Variants in RBFOX1 observed in about 807,000 individuals in gnomAD.
RBFOX1 encodes RNA binding protein fox-1 homolog 1.
A neutral mutation model predicts 57.7 loss-of-function variants in RBFOX1; 8 were observed. The observed-to-expected ratio is 0.14, with a 90% CI of 0.08 to 0.25. The LOEUF is 0.25. Among genes scored for constraint, RBFOX1 ranks in the 10% least tolerant of loss-of-function variants. The pLI is 1.00. For missense variants in RBFOX1, 611 were observed against 548.5 expected, an observed-to-expected ratio of 1.11 and a Z score of -1.14; for synonymous variants, 326 against 222.4, an observed-to-expected ratio of 1.47 and a Z score of -4.15.
At chr16:7,485,150 G>A (rs2065061653) in intron 4 of RBFOX1, among the ~76,000 whole-genome samples, 2 of 151,650 alleles carry the variant, frequency 1.3e-5, no homozygotes, top group African/African-American at 2.4e-5. Flanking sequence ...ACCTGCTATA[G>A]ACACATTAGT....
chr16:7,079,347 G>A (rs1598891209), intron 4 of RBFOX1, among the ~76,000 whole-genome samples: 1 of 152,158 alleles, frequency 6.6e-6, no homozygotes, highest in Non-Finnish European at 1.5e-5. Context: ...AAAAGAAGGG[G>A]AGCAGAGGAA....
intron 3 of RBFOX1, chr16:6,703,900 C>G (rs546666597): frequency 6.6e-6 from 1 of 152,162 alleles, no homozygotes; most frequent in Admixed American, 6.5e-5. Context: ...ACAGCAGACT[C>G]CTCCTATCTC....
rs551086435 is a variant in RBFOX1, at chr16:6,585,616, T to C, written c.-63-68987T>C. 1.5e-3 allele frequency among the ~76,000 whole-genome samples: 222 copies of C among 152,298 alleles called. 1 individual carries two copies. Among genetic ancestry groups the C allele is most frequent in the African/African-American group, 5.0e-3 (210 of 41,586 alleles). ...TTCCAGTCTTGTGATAGTGCTGTGT[T>C]GCTGGTTAGATCAATGACATAGACT... On this transcript the variant is annotated intron_variant, in intron 2 of 15. Coordinates refer to ENST00000550418, the MANE Select transcript of RBFOX1 (RefSeq NM_018723.4).
intron 4 of RBFOX1, among the ~76,000 whole-genome samples, chr16:5,907,103 G>T (rs1024281630): frequency 1.2e-4 from 18 of 152,254 alleles, no homozygotes; most frequent in Admixed American, 6.5e-5. Flanking sequence ...GGGGGTTGGA[G>T]GGGTGTACGC....
At chr16:6,989,187 T>A (rs1216111228) in intron 3 of RBFOX1, among the ~76,000 whole-genome samples, 1 of 152,216 alleles carries the variant, frequency 6.6e-6, no homozygotes, top group East Asian at 1.9e-4. Context: ...TGAGCCACTG[T>A]GCTTGGCCTC....
At chr16:6,927,760 C>T (rs893829599) in intron 3 of RBFOX1, among the ~76,000 whole-genome samples, 25 of 152,074 alleles carry the variant, frequency 1.6e-4, no homozygotes, top group Admixed American at 1.4e-3. Flanking sequence ...AACCTAAAAT[C>T]TCCAATCATT....
intron 3 of RBFOX1, among the ~76,000 whole-genome samples, chr16:6,977,585 C>G (rs57412659): frequency 0.11 from 16,478 of 152,032 alleles, 1,137 homozygotes; most frequent in East Asian, 0.26. Flanking sequence ...GTTCCTAACT[C>G]AGGACAGATG....
At chr16:6,773,320 G>C (rs923257731) in intron 3 of RBFOX1, among the ~76,000 whole-genome samples, 3 of 144,084 alleles carry the variant, frequency 2.1e-5, no homozygotes, top group African/African-American at 7.8e-5. Context: ...GTTTGGGTAT[G>C]GGGTGCATTT....
At chr16:6,514,037 C>G (rs984496891) in intron 2 of RBFOX1, among the ~76,000 whole-genome samples, 1 of 152,324 alleles carries the variant, frequency 6.6e-6, no homozygotes, top group South Asian at 2.1e-4. Flanking sequence ...ATCAACACCT[C>G]AAGGCATGAA....
intron 3 of RBFOX1, among the ~76,000 whole-genome samples, chr16:5,720,515 G>A (rs1210830139): frequency 1.3e-5 from 2 of 152,084 alleles, no homozygotes; most frequent in South Asian, 2.1e-4. Flanking sequence ...CTTTACCTAA[G>A]CCAAGGTTGT....
intron 2 of RBFOX1, among the ~76,000 whole-genome samples, chr16:5,489,822 A>G (rs1179241590): frequency 2.0e-5 from 3 of 152,266 alleles, no homozygotes; most frequent in African/African-American, 7.2e-5. Context: ...CAGGGCTAGG[A>G]TGTGCATCTC....
intron 3 of RBFOX1, among the ~76,000 whole-genome samples, chr16:6,659,959 T>C (rs953708026): frequency 6.6e-6 from 1 of 152,144 alleles, no homozygotes; most frequent in Non-Finnish European, 1.5e-5. Context: ...GGCTGGGCAC[T>C]GTGGCTCATG....
rs1281978722 is a variant in RBFOX1 at position 6,987,377 on chromosome 16, A to G, written c.-15-64680A>G. Among the ~76,000 whole-genome samples, 3 of 151,574 alleles carry G rather than the reference A, an allele frequency of 2.0e-5. 1 individual carries two copies. On this transcript the variant is annotated intron_variant, in intron 3 of 15. Coordinates refer to ENST00000550418, the MANE Select transcript of RBFOX1 (RefSeq NM_018723.4). ...GTAGTTTGCCTAAAATCTCATCACT[A>G]CCATGGTTTCTGATTCCAGGCCCAG...
chr16:6,128,724 G>A (rs1286989499), intron 1 of RBFOX1, among the ~76,000 whole-genome samples: 1 of 152,192 alleles, frequency 6.6e-6, no homozygotes, highest in African/African-American at 2.4e-5. Flanking sequence ...TGTCCAGGGT[G>A]ACAGACTTCA....
At chr16:7,685,186 G>C (rs989016685) in intron 14 of RBFOX1, among the ~76,000 whole-genome samples, 2 of 152,070 alleles carry the variant, frequency 1.3e-5, no homozygotes, top group Non-Finnish European at 2.9e-5. Flanking sequence ...ACAAGCTTCT[G>C]TTCTACCCCG....
chr16:5,552,783 G>A (rs966562308), intron 2 of RBFOX1, among the ~76,000 whole-genome samples: 3 of 152,074 alleles, frequency 2.0e-5, no homozygotes, highest in African/African-American at 7.2e-5. Context: ...AGATAATGAA[G>A]TCCCTGCTGC....
chr16:6,660,270 C>T (rs992146168), intron 3 of RBFOX1, among the ~76,000 whole-genome samples: 15 of 150,288 alleles, frequency 1.0e-4, no homozygotes, highest in African/African-American at 2.7e-4. Flanking sequence ...AAGAGTATTA[C>T]GGAAAATAGC....
intron 4 of RBFOX1, among the ~76,000 whole-genome samples, chr16:7,465,304 T>C (rs933754951): frequency 2.6e-5 from 4 of 152,256 alleles, no homozygotes; most frequent in African/African-American, 9.6e-5. Context: ...ATTGATTTTC[T>C]GGCCTGCCTT....
At chr16:7,008,506 C>G (rs903667558) in intron 3 of RBFOX1, among the ~76,000 whole-genome samples, 1 of 152,052 alleles carries the variant, frequency 6.6e-6, no homozygotes, top group South Asian at 2.1e-4. Context: ...TACCACTGCA[C>G]TCCAGCCTGG....
Sources: allele counts gnomAD v4.1 joint callset (sites outside exome capture counted in the v4.1 genomes callset), GRCh38; gene constraint gnomAD v4.1.1; transcripts MANE v1.5; gene names NCBI Gene and HGNC (gene_info 2026-07-23, HGNC 2026-07-21).